The following VWC2L variants were observed in gnomAD, a reference collection of about 807,000 sequenced individuals.
VWC2L encodes von Willebrand factor C domain containing 2 like.
VWC2L carries 10 observed loss-of-function variants against 21.6 expected under a neutral mutation model. The ratio of observed to expected loss-of-function variants is 0.46; its 90% CI spans 0.29 to 0.78. The LOEUF is 0.78. Among genes scored for constraint, VWC2L ranks in the 30% least tolerant of loss-of-function variants. The pLI is 0.10. For synonymous variants in VWC2L, 96 were observed against 94.3 expected (o/e 1.02, Z -0.10); for missense variants, 209 against 277.1 (o/e 0.75, Z 1.74).
In VWC2L at chr2:214,485,349, C is replaced by T. The variant is rs114722184; in HGVS notation, c.520+48591C>T. ...AGTGTGTATCTTAACTACAACTTGT[C>T]GGGGAAGAAATAGCATGCAGTGGTA... On this transcript the variant is annotated intron_variant, in intron 3 of 3. Coordinates refer to ENST00000312504, the MANE Select transcript of VWC2L (RefSeq NM_001080500.4). Among the ~76,000 whole-genome samples the T allele has an allele frequency of 3.0e-3, 456 of 152,000 alleles. 2 individuals carry two copies. The highest frequency in any genetic ancestry group is 9.9e-3 in the African/African-American group (411 of 41,466).
At chr2:214,530,861 T>C (rs1689422546) in intron 3 of VWC2L, among the ~76,000 whole-genome samples, 1 of 152,146 alleles carries the variant, frequency 6.6e-6, no homozygotes, top group South Asian at 2.1e-4. Context: ...ACCCCTGAAA[T>C]CTCTAAACCA....
intron 2 of VWC2L, 77 bp downstream of exon 2, chr2:214,414,660 A>C: frequency 6.8e-7 from 1 of 1,468,334 alleles, no homozygotes. Flanking sequence ...CATTAAAGTC[A>C]GAGTTGGAAA....
At chr2:214,446,705 G>C (rs1191052877) in intron 3 of VWC2L, among the ~76,000 whole-genome samples, 1 of 152,080 alleles carries the variant, frequency 6.6e-6, no homozygotes, top group East Asian at 1.9e-4. Flanking sequence ...TTGAAATGTT[G>C]AGTCCAGTCC....
At chr2:214,458,947 C>A (rs143260508) in intron 3 of VWC2L, among the ~76,000 whole-genome samples, 3 of 152,192 alleles carry the variant, frequency 2.0e-5, no homozygotes, top group African/African-American at 7.2e-5. Flanking sequence ...TGGTCTAATG[C>A]GCAGTTTATA....
At chr2:214,491,183 C>A (rs888546407) in intron 3 of VWC2L, among the ~76,000 whole-genome samples, 1 of 152,004 alleles carries the variant, frequency 6.6e-6, no homozygotes, top group Non-Finnish European at 1.5e-5. Flanking sequence ...GATTTCACTT[C>A]GATTTTTCAA....
chr2:214,452,373 T>C (rs1227145737), intron 3 of VWC2L, among the ~76,000 whole-genome samples: 1 of 152,126 alleles, frequency 6.6e-6, no homozygotes, highest in African/African-American at 2.4e-5. Flanking sequence ...TCTCTACTCT[T>C]TTTCATCTAG....
intron 2 of VWC2L, among the ~76,000 whole-genome samples, chr2:214,435,501 T>C (rs572496756): frequency 7.9e-5 from 12 of 152,278 alleles, no homozygotes; most frequent in Admixed American, 4.6e-4. Flanking sequence ...GTTTCCACTA[T>C]AGACTGTCTG....
intron 3 of VWC2L, among the ~76,000 whole-genome samples, chr2:214,574,205 TGCTA>T (rs1487792736): frequency 6.6e-6 from 1 of 152,148 alleles, no homozygotes; most frequent in African/African-American, 2.4e-5. Flanking sequence ...GCTGACAGCT[TGCTA>T]GCTGTTTGTC....
At chr2:214,412,703 T>C (rs1045029872) in intron 1 of VWC2L, among the ~76,000 whole-genome samples, 2 of 152,070 alleles carry the variant, frequency 1.3e-5, no homozygotes, top group Non-Finnish European at 2.9e-5. Flanking sequence ...CTTGTATATC[T>C]ACCTTAAAAT....
At chr2:214,548,099 C>T (rs779636278) in intron 3 of VWC2L, among the ~76,000 whole-genome samples, 2 of 152,150 alleles carry the variant, frequency 1.3e-5, no homozygotes, top group Non-Finnish European at 2.9e-5. Context: ...GTATAATTCT[C>T]GGGTTGTCAT....
chr2:214,436,672 T>C lies in VWC2L; in HGVS notation c.434T>C (p.Val145Ala). Residue 145 changes from valine (V) to alanine (A), a missense_variant, in exon 3 of 4, where the codon GTT becomes GCT. By Grantham distance (64) the Val-to-Ala change is moderately conservative. Transcript: ENST00000312504. ...EWCRCEPSNE[V>A]HCVVADCAVP... Reference sequence around the variant, plus strand: ...TGTCGCTGTGAGCCCAGCAATGAAGTTCACTGTGTTGTAGCAGACTGCGCA... The same window carrying C: ...TGTCGCTGTGAGCCCAGCAATGAAGCTCACTGTGTTGTAGCAGACTGCGCA... The C allele has an allele frequency of 6.2e-7, 1 of 1,613,428 alleles. No homozygotes were observed. Among genetic ancestry groups the C allele is most frequent in the Non-Finnish European group, 8.5e-7 (1 of 1,179,448 alleles).
intron 2 of VWC2L, among the ~76,000 whole-genome samples, chr2:214,429,983 C>A (rs1305339585): frequency 1.3e-5 from 2 of 152,046 alleles, no homozygotes; most frequent in Non-Finnish European, 2.9e-5. Flanking sequence ...GCCACCACGC[C>A]TGGCTAATTT....
intron 3 of VWC2L, among the ~76,000 whole-genome samples, chr2:214,470,632 C>T (rs7564426): frequency 1.6e-4 from 25 of 152,064 alleles, no homozygotes; most frequent in African/African-American, 6.0e-4. Flanking sequence ...GGTGAGGCTA[C>T]GTGCAGTGGC....
In VWC2L at chr2:214,411,744, G is replaced by C. The variant is rs1323862617; in HGVS notation, c.-123G>C. 6.6e-6 allele frequency: 1 copy of C among 152,038 alleles called. No individual in the cohort carries two copies. The highest frequency in any genetic ancestry group is 2.4e-5 in the African/African-American group (1 of 41,400). 9.4% of individuals were successfully genotyped at this position (152,038 alleles called of 1,614,324 possible). Reference sequence around the variant, plus strand: ...ATACCTGACCTTTTAGTTCATTTTGGGCTGTGACCCCTACCACCACCATTA... The same window carrying C: ...ATACCTGACCTTTTAGTTCATTTTGCGCTGTGACCCCTACCACCACCATTA... On this transcript the variant is annotated 5_prime_UTR_variant, in exon 1 of 4. Coordinates refer to ENST00000312504, the MANE Select transcript of VWC2L (RefSeq NM_001080500.4).
At chr2:214,536,455 CACTT>C (rs1348426688) in intron 3 of VWC2L, among the ~76,000 whole-genome samples, 1 of 152,038 alleles carries the variant, frequency 6.6e-6, no homozygotes, top group African/African-American at 2.4e-5. Context: ...TACTGGTCAG[CACTT>C]ACTTAATCCA....
rs185472282 is a variant in VWC2L at position 214,463,602 on chromosome 2, A to T, written c.520+26844A>T. 9.9e-5 allele frequency among the ~76,000 whole-genome samples: 15 copies of T among 152,110 alleles called. No individual in the cohort carries two copies. In the East Asian group the frequency reaches 1.7e-3, roughly 18 times the overall value. On this transcript the variant is annotated intron_variant, in intron 3 of 3. Transcript: ENST00000312504. ...TACATGGTTTAAATTTATCAGTTTA[A>T]TTTTTTCTGTTTCTTCATTCTTTTT...
intron 3 of VWC2L, among the ~76,000 whole-genome samples, chr2:214,548,436 T>C (rs1373880935): frequency 6.6e-6 from 1 of 152,210 alleles, no homozygotes; most frequent in East Asian, 1.9e-4. Context: ...TTACAATTCA[T>C]AAATAAATGT....
intron 3 of VWC2L, among the ~76,000 whole-genome samples, chr2:214,487,567 G>C (rs972677226): frequency 6.6e-6 from 1 of 152,174 alleles, no homozygotes; most frequent in South Asian, 2.1e-4. Flanking sequence ...TAAGGTGTCA[G>C]GTAAGGCATT....
rs143301332 is a variant in VWC2L, at chr2:214,461,976, G to T, written c.520+25218G>T. Among the ~76,000 whole-genome samples the T allele has an allele frequency of 7.1e-3, 1,079 of 152,304 alleles. 11 individuals carry two copies. The highest frequency in any genetic ancestry group is 0.025 in the African/African-American group (1,023 of 41,556). ...CCTGTAGGACACTGTGTGGGATGGA[G>T]TGCTGAGGACCCTGCTGCACTGAGT... On this transcript the variant is annotated intron_variant, in intron 3 of 3. Transcript: ENST00000312504.
Sources: gnomAD v4.1 joint callset for allele counts (sites outside exome capture counted in the v4.1 genomes callset) on GRCh38, gnomAD v4.1.1 for gene constraint, MANE v1.5 for transcripts, NCBI Gene and HGNC (gene_info 2026-07-23, HGNC 2026-07-21) for gene names.